The following GRM1 variants were observed in gnomAD, a reference collection of about 807,000 sequenced individuals.
The protein encoded by GRM1 is metabotropic glutamate receptor 1.
Under a neutral mutation model 90.9 loss-of-function variants are expected in GRM1, and 33 were observed. The observed-to-expected ratio is 0.36, with a 90% confidence interval of 0.28 to 0.49. The LOEUF (loss-of-function observed/expected upper bound fraction) is 0.49, where lower values mean the gene tolerates loss of function less well. Ranked by LOEUF, GRM1 falls within the 20% of genes least tolerant of loss-of-function variation. The pLI is 0.99. For missense variants in GRM1, 1,190 were observed against 1,534.3 expected, an observed-to-expected ratio of 0.78 and a Z score of 3.75; for synonymous variants, 700 against 613.2, an observed-to-expected ratio of 1.14 and a Z score of -2.09.
chr6:146,029,466 G>A lies in GRM1; in HGVS notation c.-52G>A, dbSNP rs1256862996. 4 of 1,425,954 alleles carry A rather than the reference G, an allele frequency of 2.8e-6. No homozygotes were observed. Among genetic ancestry groups the A allele is most frequent in the African/African-American group, 1.4e-5 (1 of 71,258 alleles). The allele number at this position is 1,425,954 out of a possible 1,614,324, so 88.3% of individuals were successfully genotyped here. A position where few individuals can be genotyped will look rare whatever the true frequency, so the allele number is the denominator to read the frequency against. On this transcript the variant is annotated 5_prime_UTR_variant, in exon 1 of 8. Transcript: ENST00000282753. ...GGGGTGCGCGCCGGGAGCCTGCAGC[G>A]GGACCAGCGTGGGAACGCGGCTGGC...
At chr6:146,237,743 C>T (rs1213535091) in intron 2 of GRM1, among the ~76,000 whole-genome samples, 1 of 152,012 alleles carries the variant, frequency 6.6e-6, no homozygotes, top group Non-Finnish European at 1.5e-5. Context: ...ACAGTAAGAC[C>T]AAGCAGTGTC....
chr6:146,365,484 A>T (rs1275224908), intron 5 of GRM1: 1 of 152,236 alleles, frequency 6.6e-6, no homozygotes, highest in Non-Finnish European at 1.5e-5. Context: ...GCTGTGAATC[A>T]TGGGCTATTG....
At chr6:146,417,398 T>C (rs776101742) in intron 7 of GRM1, among the ~76,000 whole-genome samples, 6 of 152,218 alleles carry the variant, frequency 3.9e-5, no homozygotes, top group Admixed American at 6.5e-5. Flanking sequence ...CTCCCTTTTA[T>C]ATTATATCTA....
Position 146,109,285 on chromosome 6 carries a change from G to A in GRM1, c.701-50063G>A, listed in dbSNP as rs183531343. ...GGGCAGGGCTCAGGGTCCCCATGCT[G>A]AGTGCAGTCTAGGGACTTGATGCCC... On this transcript the variant is annotated intron_variant, in intron 1 of 7. Transcript: ENST00000282753. 6.2e-4 allele frequency among the ~76,000 whole-genome samples: 94 copies of A among 152,298 alleles called. 1 individual carries two copies. The highest frequency in any genetic ancestry group is 4.3e-3 in the Admixed American group (66 of 15,296).
At chr6:146,294,272 C>T (rs1562588150) in intron 2 of GRM1, among the ~76,000 whole-genome samples, 1 of 151,772 alleles carries the variant, frequency 6.6e-6, no homozygotes, top group Non-Finnish European at 1.5e-5. Context: ...ATTTCAATAT[C>T]TGGTATTTTT....
In GRM1 at chr6:146,074,075, A is replaced by G. The variant is rs76071882; in HGVS notation, c.700+43858A>G. Among the ~76,000 whole-genome samples the G allele has an allele frequency of 5.8e-3, 884 of 152,258 alleles. 10 individuals are homozygous for G. The highest frequency in any genetic ancestry group is 0.02 in the African/African-American group (841 of 41,560). ...GGAGTACTGGATTTGTGGAACAGCT[A>G]TCCCTTGATTTCTGAAAGAGATACC... On this transcript the variant is annotated intron_variant, in intron 1 of 7. Transcript: ENST00000282753.
intron 1 of GRM1, among the ~76,000 whole-genome samples, chr6:146,104,215 C>T (rs968236197): frequency 5.9e-4 from 89 of 152,110 alleles, no homozygotes; most frequent in African/African-American, 2.0e-3. Flanking sequence ...CCGAGGCGGG[C>T]GGATCACGAG....
intron 2 of GRM1, among the ~76,000 whole-genome samples, chr6:146,282,300 T>C (rs1562579942): frequency 6.6e-6 from 1 of 152,178 alleles, no homozygotes; most frequent in Non-Finnish European, 1.5e-5. Context: ...ACAATTTAAT[T>C]TCCCTAATAT....
chr6:146,283,673 A>T (rs1274611505), intron 2 of GRM1, among the ~76,000 whole-genome samples: 1 of 152,212 alleles, frequency 6.6e-6, no homozygotes, highest in Non-Finnish European at 1.5e-5. Context: ...GGAGCTCATC[A>T]TTGACGTCAG....
intron 7 of GRM1, among the ~76,000 whole-genome samples, chr6:146,419,788 T>C (rs538782906): frequency 6.6e-6 from 1 of 152,254 alleles, no homozygotes; most frequent in South Asian, 2.1e-4. Flanking sequence ...ACACTCACTA[T>C]CACAAGAACA....
chr6:146,160,840 G>T (rs1263277069), intron 2 of GRM1, among the ~76,000 whole-genome samples: 1 of 152,086 alleles, frequency 6.6e-6, no homozygotes, highest in Non-Finnish European at 1.5e-5. Flanking sequence ...AGGAGGTGTG[G>T]AGCCAAGGTC....
At chr6:146,167,851 G>C (rs74403909) in intron 2 of GRM1, among the ~76,000 whole-genome samples, 1 of 151,972 alleles carries the variant, frequency 6.6e-6, no homozygotes, top group East Asian at 1.9e-4. Context: ...TTTGTATTCT[G>C]CTGAGTGTCT....
At chr6:146,352,180 T>G in intron 3 of GRM1, 70 bp from the exon 4 acceptor site, 150 of 1,516,626 alleles carry the variant, frequency 9.9e-5, no homozygotes, top group Non-Finnish European at 1.2e-4. Context: ...CAAAAGCATT[T>G]GAGAATTAAA....
chr6:146,206,361 G>T (rs1449890887), intron 2 of GRM1, among the ~76,000 whole-genome samples: 1 of 152,122 alleles, frequency 6.6e-6, no homozygotes. Flanking sequence ...GAGGAAGAAG[G>T]AGTTGCTATC....
At chr6:146,403,673 A>G (rs143575265) in intron 7 of GRM1, among the ~76,000 whole-genome samples, 1 of 152,214 alleles carries the variant, frequency 6.6e-6, no homozygotes, top group African/African-American at 2.4e-5. Context: ...TGTCCTGGGT[A>G]AGCATTTTGG....
At chr6:146,283,911 AG>A (rs1307833058) in intron 2 of GRM1, among the ~76,000 whole-genome samples, 1 of 152,232 alleles carries the variant, frequency 6.6e-6, no homozygotes, top group Non-Finnish European at 1.5e-5. Flanking sequence ...ATACAGAAAC[AG>A]TTGGCTTCTC....
intron 1 of GRM1, among the ~76,000 whole-genome samples, chr6:146,069,147 G>C (rs528104243): frequency 6.6e-6 from 1 of 152,262 alleles, no homozygotes; most frequent in South Asian, 2.1e-4. Context: ...CCTATTGAAG[G>C]AGAATATCTA....
At chr6:146,189,977 C>T (rs1010940721) in intron 2 of GRM1, among the ~76,000 whole-genome samples, 96 of 152,156 alleles carry the variant, frequency 6.3e-4, no homozygotes, top group African/African-American at 1.9e-3. Flanking sequence ...GCTTTGGCAA[C>T]TCAAAGATGG....
chr6:146,132,296 C>T (rs1776432591), intron 1 of GRM1, among the ~76,000 whole-genome samples: 1 of 151,842 alleles, frequency 6.6e-6, no homozygotes, highest in Non-Finnish European at 1.5e-5. Flanking sequence ...GGGGGGGGAC[C>T]ACATTGAAGG....
Sources: allele counts gnomAD v4.1 joint callset (sites outside exome capture counted in the v4.1 genomes callset), GRCh38; gene constraint gnomAD v4.1.1; transcripts MANE v1.5; gene names NCBI Gene and HGNC (gene_info 2026-07-23, HGNC 2026-07-21).